The following BACE2 variants were observed in gnomAD, a reference collection of about 807,000 sequenced individuals.
BACE2 encodes the protein beta-secretase 2.
A neutral mutation model predicts 46.2 loss-of-function variants in BACE2; 17 were observed. That is an observed-to-expected ratio of 0.37 (90% CI 0.25 to 0.55). BACE2 has a LOEUF of 0.55. BACE2 is among the 20% of genes least tolerant of loss of function. The probability of loss-of-function intolerance (pLI) is 0.82; values close to 1 mark genes in which losing one functional copy is unlikely to be tolerated. For missense variants in BACE2, 595 were observed against 698.1 expected (o/e 0.85, Z 1.66); for synonymous variants, 277 against 295.9 (o/e 0.94, Z 0.66).
chr21:41,237,233 G>A (rs1987149438), intron 2 of BACE2, among the ~76,000 whole-genome samples: 1 of 152,082 alleles, frequency 6.6e-6, no homozygotes, highest in South Asian at 2.1e-4. Context: ...AGATCACAAG[G>A]TCAAGAGATC....
At chr21:41,174,254 T>C (rs4818218) in intron 1 of BACE2, among the ~76,000 whole-genome samples, 21,154 of 150,836 alleles carry the variant, frequency 0.14, 1,548 homozygotes, top group East Asian at 0.25. Context: ...GCGATTCTTC[T>C]GCCTCAGCCT....
chr21:41,257,368 C>T (rs201442466), intron 8 of BACE2, 42 bp downstream of exon 8: 4 of 1,601,446 alleles, frequency 2.5e-6, no homozygotes, highest in Non-Finnish European at 3.4e-6. Context: ...CGACAAGAGT[C>T]CTTTATGTAA....
chr21:41,220,031 G>A (rs1354097835), intron 1 of BACE2, among the ~76,000 whole-genome samples: 1 of 152,152 alleles, frequency 6.6e-6, no homozygotes, highest in East Asian at 1.9e-4. Flanking sequence ...CTGTGCTTCT[G>A]ATCGATCGGC....
chr21:41,193,212 G>C lies in BACE2; in HGVS notation c.312+24637G>C, dbSNP rs1385567059. On this transcript the variant is annotated intron_variant, in intron 1 of 8. Coordinates refer to ENST00000330333, the MANE Select transcript of BACE2 (RefSeq NM_012105.5). The surrounding 1 kb of genome is among the most constrained non-coding windows in gnomAD (Gnocchi z 4.2). Reference sequence around the variant, plus strand: ...CTACCCCTGAGGTAGGACAGTAAAGGTGTATTGCCGGCCTTGCCAGCGGAA... The same window carrying C: ...CTACCCCTGAGGTAGGACAGTAAAGCTGTATTGCCGGCCTTGCCAGCGGAA... Among the ~76,000 whole-genome samples, 1 of 152,202 alleles carries C rather than the reference G, an allele frequency of 6.6e-6. No individual in the cohort carries two copies. The highest frequency in any genetic ancestry group is 6.5e-5 in the Admixed American group (1 of 15,286).
chr21:41,273,145 A>G (rs1488733348), intron 8 of BACE2, among the ~76,000 whole-genome samples: 1 of 152,214 alleles, frequency 6.6e-6, no homozygotes, highest in Non-Finnish European at 1.5e-5. Flanking sequence ...CACATACTTC[A>G]CAAGGTAATA....
chr21:41,246,148 T>C (rs1987467192), intron 6 of BACE2, 85 bp downstream of exon 6: 1 of 993,770 alleles, frequency 1.0e-6, no homozygotes, highest in South Asian at 1.7e-5. Context: ...TCTGAGCATC[T>C]CTGAACTATT....
intron 1 of BACE2, chr21:41,176,617 G>C (rs1160596017): frequency 1.3e-5 from 2 of 152,184 alleles, no homozygotes; most frequent in African/African-American, 4.8e-5. Flanking sequence ...CCTAGGTTAA[G>C]TGTTTCCTTC....
At chr21:41,226,993 C>T (rs1197929190) in intron 2 of BACE2, among the ~76,000 whole-genome samples, 1 of 152,218 alleles carries the variant, frequency 6.6e-6, no homozygotes, top group East Asian at 1.9e-4. Flanking sequence ...TAGAACAAGC[C>T]TTGCCCATGC....
At chr21:41,269,686 T>G (rs1297661222) in intron 8 of BACE2, among the ~76,000 whole-genome samples, 1 of 152,266 alleles carries the variant, frequency 6.6e-6, no homozygotes, top group Admixed American at 6.5e-5. Flanking sequence ...TTCATTTTTA[T>G]TGCAGATCAA....
At chr21:41,196,221 C>G (rs1398501966) in intron 1 of BACE2, among the ~76,000 whole-genome samples, 1 of 151,898 alleles carries the variant, frequency 6.6e-6, no homozygotes, top group East Asian at 1.9e-4. Context: ...TTGCTTGAAC[C>G]TGGGAGGCAG....
Position 41,168,226 on chromosome 21 carries a change from G to A in BACE2, c.-38G>A, listed in dbSNP as rs2123477389. 1.8e-6 allele frequency: 2 copies of A among 1,106,702 alleles called. No individual in the cohort carries two copies. The highest frequency in any genetic ancestry group is 2.2e-6 in the Non-Finnish European group (2 of 905,246). The allele number at this position is 1,106,702 out of a possible 1,614,324, so 68.6% of individuals were successfully genotyped here. A position where few individuals can be genotyped will look rare whatever the true frequency, so the allele number is the denominator to read the frequency against. Reference sequence around the variant, plus strand: ...CGCGGCTGCCGGACGGGACGGGACCGGCTAGGCTGGGCGCGCCCCCCGGGC... The same window carrying A: ...CGCGGCTGCCGGACGGGACGGGACCAGCTAGGCTGGGCGCGCCCCCCGGGC... On this transcript the variant is annotated 5_prime_UTR_variant, in exon 1 of 9. Transcript: ENST00000330333.
At chr21:41,247,639 T>C (rs1987510908) in intron 6 of BACE2, among the ~76,000 whole-genome samples, 1 of 152,220 alleles carries the variant, frequency 6.6e-6, no homozygotes, top group South Asian at 2.1e-4. Flanking sequence ...GCCAGACCCC[T>C]GTGCCGTGAG....
chr21:41,224,904 G>A (rs1394238929), intron 1 of BACE2, among the ~76,000 whole-genome samples: 2 of 152,292 alleles, frequency 1.3e-5, no homozygotes, highest in East Asian at 3.9e-4. Flanking sequence ...GACCCACATA[G>A]CAGACGTGTT....
intron 1 of BACE2, among the ~76,000 whole-genome samples, chr21:41,188,053 C>T (rs990773709): frequency 2.0e-5 from 3 of 152,158 alleles, no homozygotes; most frequent in African/African-American, 7.2e-5. Context: ...AGTCAATATA[C>T]GTACATTTTG....
chr21:41,206,792 A>G (rs1475996420), intron 1 of BACE2, among the ~76,000 whole-genome samples: 1 of 152,268 alleles, frequency 6.6e-6, no homozygotes, highest in African/African-American at 2.4e-5. Flanking sequence ...ATTTTAAGTT[A>G]TGTGTATTTA....
intron 1 of BACE2, among the ~76,000 whole-genome samples, chr21:41,216,614 T>A (rs1224738744): frequency 6.6e-6 from 1 of 152,162 alleles, no homozygotes; most frequent in Non-Finnish European, 1.5e-5. Flanking sequence ...CGAGCTCCGG[T>A]CATGAGGCAA....
chr21:41,244,129 G>T lies in BACE2; in HGVS notation c.882+619G>T, dbSNP rs551006779. On this transcript the variant is annotated intron_variant, in intron 5 of 8. Coordinates refer to ENST00000330333, the MANE Select transcript of BACE2 (RefSeq NM_012105.5). ...ATTATGATTATGATGACTTGTGAGAGCCTCAGTCTTCTATAGCACTTTTAG... is the reference window on the plus strand; with the variant it reads ...ATTATGATTATGATGACTTGTGAGATCCTCAGTCTTCTATAGCACTTTTAG... 9.9e-5 allele frequency among the ~76,000 whole-genome samples: 15 copies of T among 152,272 alleles called. No individual in the cohort carries two copies. The East Asian group carries it at 2.9e-3, about 29-fold the overall frequency.
At chr21:41,207,782 G>A (rs573416586) in intron 1 of BACE2, among the ~76,000 whole-genome samples, 17 of 152,312 alleles carry the variant, frequency 1.1e-4, no homozygotes, top group Admixed American at 8.5e-4. Flanking sequence ...GGCTGCTTAC[G>A]GCTGCTCCCC....
At chr21:41,201,655 G>A (rs374888946) in intron 1 of BACE2, among the ~76,000 whole-genome samples, 92 of 152,364 alleles carry the variant, frequency 6.0e-4, no homozygotes, top group African/African-American at 2.0e-3. Flanking sequence ...GCCAAGAGGC[G>A]CAACGCACAG....
Sources: gnomAD v4.1 joint callset for allele counts (sites outside exome capture counted in the v4.1 genomes callset) on GRCh38, gnomAD v4.1.1 for gene constraint, Gnocchi (gnomAD v3.1) non-coding constraint, MANE v1.5 for transcripts, NCBI Gene and HGNC (gene_info 2026-07-23, HGNC 2026-07-21) for gene names.